DSCAM: variants seen among roughly 807,000 people sequenced by gnomAD.
The protein encoded by DSCAM is DS cell adhesion molecule.
A neutral mutation model predicts 217.7 loss-of-function variants in DSCAM; 47 were observed. The ratio of observed to expected loss-of-function variants is 0.22; its 90% CI spans 0.17 to 0.28. The LOEUF (loss-of-function observed/expected upper bound fraction) is 0.28, where lower values mean the gene tolerates loss of function less well. Ranked by LOEUF, DSCAM falls within the 10% of genes least tolerant of loss-of-function variation. The probability of loss-of-function intolerance (pLI) is 1.00; values close to 1 mark genes in which losing one functional copy is unlikely to be tolerated. For missense variants in DSCAM, 2,080 were observed against 2,618.3 expected, an observed-to-expected ratio of 0.79 and a Z score of 4.49; for synonymous variants, 1,056 against 1,015.3, an observed-to-expected ratio of 1.04 and a Z score of -0.76.
intron 3 of DSCAM, among the ~76,000 whole-genome samples, chr21:40,391,463 T>TA (rs2075133491): frequency 6.6e-6 from 1 of 152,238 alleles, no homozygotes; most frequent in Non-Finnish European, 1.5e-5. Flanking sequence ...GATCAAATGA[T>TA]ACAATGTGCT....
chr21:40,128,683 C>T (rs79628776), intron 19 of DSCAM, among the ~76,000 whole-genome samples: 1,819 of 143,210 alleles, frequency 0.013, 20 homozygotes, highest in Middle Eastern at 0.025. Flanking sequence ...CTGGTGACTC[C>T]AGCCTCATAA....
chr21:40,476,459 T>C (rs2075936888), intron 3 of DSCAM, among the ~76,000 whole-genome samples: 1 of 152,238 alleles, frequency 6.6e-6, no homozygotes, highest in African/African-American at 2.4e-5. Context: ...CACATAGTGA[T>C]CAATTTATCA....
chr21:40,310,396 A>T (rs574814968), intron 9 of DSCAM, among the ~76,000 whole-genome samples: 1 of 152,328 alleles, frequency 6.6e-6, no homozygotes, highest in Non-Finnish European at 1.5e-5. Flanking sequence ...CTCCAGTCAC[A>T]CTGACCTGTT....
At chr21:40,079,801 A>T (rs1220695258) in intron 25 of DSCAM, among the ~76,000 whole-genome samples, 1 of 113,492 alleles carries the variant, frequency 8.8e-6, no homozygotes, top group African/African-American at 2.7e-5. Context: ...AATGATAGGA[A>T]GGTGGGAGCA....
intron 3 of DSCAM, among the ~76,000 whole-genome samples, chr21:40,649,378 C>T (rs913044019): frequency 1.3e-5 from 2 of 152,190 alleles, no homozygotes; most frequent in African/African-American, 4.8e-5. Context: ...GCCCCACTCC[C>T]AAGACCACAC....
At chr21:40,485,866 C>T (rs926901878) in intron 3 of DSCAM, among the ~76,000 whole-genome samples, 2 of 150,666 alleles carry the variant, frequency 1.3e-5, no homozygotes, top group African/African-American at 2.5e-5. Flanking sequence ...CACACATATA[C>T]ACACAGTCTG....
chr21:40,730,060 T>C (rs116316833), intron 1 of DSCAM, among the ~76,000 whole-genome samples: 3,304 of 152,292 alleles, frequency 0.022, 127 homozygotes, highest in African/African-American at 0.076. Context: ...CCAGAACCTA[T>C]GAAATGTGGC....
chr21:40,795,203 T>A (rs2091681281), intron 1 of DSCAM, among the ~76,000 whole-genome samples: 2 of 152,212 alleles, frequency 1.3e-5, no homozygotes, highest in Admixed American at 1.3e-4. Context: ...GGACTGATAA[T>A]CTTCAGAGCT....
intron 3 of DSCAM, among the ~76,000 whole-genome samples, chr21:40,466,810 GT>G (rs1423501718): frequency 6.6e-6 from 1 of 152,122 alleles, no homozygotes; most frequent in African/African-American, 2.4e-5. Context: ...AGTGGACAAG[GT>G]TCCAATGATA....
At position 40,032,306 on chromosome 21, in the gene DSCAM, A is replaced by G. The variant is rs116795158; in HGVS notation, c.5686+10065T>C. ...CCTAAAGGCCAGGGAAGATTTTCCA[A>G]TCCGTCTTTTATTCAGATCTACTTT... is the stretch of plus-strand genomic sequence containing the variant. On this transcript the variant is annotated intron_variant, in intron 32 of 32. Transcript: ENST00000400454. Among the ~76,000 whole-genome samples the G allele has an allele frequency of 6.6e-3, 1,005 of 152,262 alleles. 13 individuals carry two copies. The highest frequency in any genetic ancestry group is 0.023 in the African/African-American group (957 of 41,540).
chr21:40,142,683 T>A lies in DSCAM; in HGVS notation c.3281A>T (p.Asn1094Ile). The A allele has an allele frequency of 3.7e-6, 6 of 1,613,998 alleles. No homozygotes were observed. The South Asian group carries it at 4.4e-5, about 12-fold the overall frequency. Residue 1094 changes from asparagine to isoleucine, a missense_variant, in exon 18 of 33, where the codon AAT becomes ATT. Asn to Ile is a moderately radical substitution (Grantham distance 149). Coordinates refer to ENST00000400454, the MANE Select transcript of DSCAM (RefSeq NM_001389.5). ...TGGTGATGTTGCTATGGCTTGGACA[T>A]TTTCGGGGGGGTAACTGGGCACTGA... is the stretch of plus-strand genomic sequence containing the variant. ...LEDVPSYPPE[N>I]VQAIATSPES...
At chr21:40,802,386 C>A (rs4818180) in intron 1 of DSCAM, among the ~76,000 whole-genome samples, 136,546 of 152,218 alleles carry the variant, frequency 0.9, 61,323 homozygotes, top group African/African-American at 0.92. Context: ...TGTGGACTTT[C>A]GACTTCCGAG....
intron 11 of DSCAM, among the ~76,000 whole-genome samples, chr21:40,236,707 T>C (rs1569015893): frequency 1.3e-5 from 2 of 152,122 alleles, no homozygotes; most frequent in Non-Finnish European, 2.9e-5. Context: ...GAAATCATTG[T>C]GGAGGAATAA....
intron 1 of DSCAM, among the ~76,000 whole-genome samples, chr21:40,780,667 T>C (rs535971338): frequency 9.2e-5 from 14 of 151,772 alleles, no homozygotes; most frequent in African/African-American, 3.4e-4. Flanking sequence ...ATCTGACTGG[T>C]GTCCTTACAA....
At chr21:40,116,951 G>A (rs1246580836) in intron 20 of DSCAM, among the ~76,000 whole-genome samples, 5 of 127,074 alleles carry the variant, frequency 3.9e-5, no homozygotes, top group East Asian at 2.4e-4. Flanking sequence ...GCAGTGAGCC[G>A]AGATCGCACC....
chr21:40,544,083 T>C (rs1213712715), intron 3 of DSCAM, among the ~76,000 whole-genome samples: 3 of 152,152 alleles, frequency 2.0e-5, no homozygotes, highest in African/African-American at 4.8e-5. Flanking sequence ...GGGTGAGCCA[T>C]CGCACTGGTG....
intron 19 of DSCAM, 96 bp downstream of exon 19, chr21:40,133,758 G>T: frequency 1.4e-6 from 2 of 1,441,830 alleles, no homozygotes; most frequent in Non-Finnish European, 1.9e-6. Context: ...TTTGCACTGA[G>T]AATAGCCTGA....
At chr21:40,213,207 C>G (rs2091202630) in intron 11 of DSCAM, among the ~76,000 whole-genome samples, 1 of 151,984 alleles carries the variant, frequency 6.6e-6, no homozygotes. Context: ...CATTTTTAAA[C>G]TTCATATTCC....
chr21:40,439,423 A>G (rs536824329), intron 3 of DSCAM, among the ~76,000 whole-genome samples: 6 of 152,326 alleles, frequency 3.9e-5, no homozygotes, highest in African/African-American at 1.4e-4. Context: ...GGTAGAACAG[A>G]TTTAAGTGAA....
Sources: allele counts gnomAD v4.1 joint callset (sites outside exome capture counted in the v4.1 genomes callset), GRCh38; gene constraint gnomAD v4.1.1; transcripts MANE v1.5; gene names NCBI Gene and HGNC (gene_info 2026-07-23, HGNC 2026-07-21).